The following NKAIN2 variants were observed in gnomAD, a reference collection of about 807,000 sequenced individuals.
NKAIN2 encodes sodium/potassium transporting ATPase interacting 2, also known as sodium/potassium-transporting ATPase subunit beta-1-interacting protein 2.
A neutral mutation model predicts 32.6 loss-of-function variants in NKAIN2; 14 were observed. The observed-to-expected ratio is 0.43, with a 90% CI of 0.28 to 0.67. The LOEUF is 0.67. NKAIN2 is among the 30% of genes least tolerant of loss of function. The pLI is 0.17. For synonymous variants in NKAIN2, 80 were observed against 87.2 expected (o/e 0.92, Z 0.46); for missense variants, 198 against 258.3 (o/e 0.77, Z 1.60).
At chr6:124,349,236 A>G (rs1248116768) in intron 2 of NKAIN2, among the ~76,000 whole-genome samples, 1 of 151,716 alleles carries the variant, frequency 6.6e-6, no homozygotes, top group Non-Finnish European at 1.5e-5. Flanking sequence ...TAGCTGGTTT[A>G]CCCCCTCACA....
chr6:124,057,574 G>A (rs181216805), intron 1 of NKAIN2, among the ~76,000 whole-genome samples: 5 of 151,202 alleles, frequency 3.3e-5, no homozygotes, highest in Admixed American at 2.0e-4. Context: ...GAGCTTTACT[G>A]CTGCCTTGTT....
chr6:124,681,744 A>C (rs755373046), intron 4 of NKAIN2, among the ~76,000 whole-genome samples: 11 of 152,082 alleles, frequency 7.2e-5, no homozygotes, highest in Non-Finnish European at 1.5e-4. Context: ...GAAATCTAAA[A>C]TTGGATATAA....
At chr6:124,464,434 T>TC (rs1264864922) in intron 3 of NKAIN2, among the ~76,000 whole-genome samples, 1 of 151,984 alleles carries the variant, frequency 6.6e-6, no homozygotes, top group Non-Finnish European at 1.5e-5. Context: ...TAAGCTTTTT[T>TC]TTTTTCTGCC....
intron 1 of NKAIN2, among the ~76,000 whole-genome samples, chr6:123,923,070 C>T (rs772530983): frequency 3.2e-4 from 49 of 151,888 alleles, no homozygotes; most frequent in Non-Finnish European, 4.9e-4. Flanking sequence ...TTTTCTTCTT[C>T]TGTTACTGGG....
At chr6:124,125,921 A>G (rs1410803719) in intron 1 of NKAIN2, among the ~76,000 whole-genome samples, 3 of 152,076 alleles carry the variant, frequency 2.0e-5, no homozygotes, top group Non-Finnish European at 4.4e-5. Context: ...GTTCCCTTCC[A>G]GGTCACACTC....
chr6:124,052,124 A>G (rs887393105), intron 1 of NKAIN2, among the ~76,000 whole-genome samples: 1 of 152,118 alleles, frequency 6.6e-6, no homozygotes, highest in South Asian at 2.1e-4. Context: ...GAATTTTCAC[A>G]CACGTATTAT....
intron 1 of NKAIN2, among the ~76,000 whole-genome samples, chr6:123,878,518 T>C (rs1773283805): frequency 6.6e-6 from 1 of 152,178 alleles, no homozygotes; most frequent in Admixed American, 6.5e-5. Flanking sequence ...TTTTCTTTTC[T>C]TGCTTTCCTT....
chr6:123,865,273 A>G (rs1254716029), intron 1 of NKAIN2, among the ~76,000 whole-genome samples: 1 of 152,022 alleles, frequency 6.6e-6, no homozygotes, highest in Non-Finnish European at 1.5e-5. Context: ...AAAGAGATAA[A>G]TATTATTAAT....
At chr6:124,698,195 A>G (rs2875777) in intron 4 of NKAIN2, among the ~76,000 whole-genome samples, 39,818 of 152,108 alleles carry the variant, frequency 0.26, 5,695 homozygotes, top group East Asian at 0.52. Flanking sequence ...TATCTAAGCC[A>G]GTTTGCAGTG....
chr6:124,650,625 CA>C (rs770502504), intron 3 of NKAIN2, among the ~76,000 whole-genome samples: 26 of 152,100 alleles, frequency 1.7e-4, no homozygotes, highest in Non-Finnish European at 3.2e-4. Flanking sequence ...CCTTCTGTAG[CA>C]AACCCACTCC....
intron 4 of NKAIN2, among the ~76,000 whole-genome samples, chr6:124,713,016 C>G (rs887829740): frequency 2.0e-5 from 3 of 151,822 alleles, no homozygotes; most frequent in Admixed American, 2.0e-4. Flanking sequence ...AGAAATAGTA[C>G]AGATGAAAGG....
intron 3 of NKAIN2, among the ~76,000 whole-genome samples, chr6:124,444,882 T>C (rs1775827565): frequency 1.3e-5 from 2 of 152,010 alleles, no homozygotes; most frequent in African/African-American, 4.8e-5. Flanking sequence ...TGAATGCTTT[T>C]AAATATTGCT....
rs557554200 is a variant in NKAIN2, at chr6:124,726,684, G to A, written c.475-64655G>A. Among the ~76,000 whole-genome samples the A allele has an allele frequency of 8.1e-4, 117 of 145,298 alleles. 1 individual carries two copies. Among genetic ancestry groups the A allele is most frequent in the African/African-American group, 2.8e-3 (111 of 39,180 alleles). On this transcript the variant is annotated intron_variant, in intron 4 of 6. Transcript: ENST00000368417. ...TCCAAAGGAACGCAGTTCCTCACCA[G>A]CAATGGAACAAAGCTGGATGGAGAA... is the stretch of plus-strand genomic sequence containing the variant.
At chr6:124,079,495 C>T (rs1008603964) in intron 1 of NKAIN2, among the ~76,000 whole-genome samples, 1 of 152,006 alleles carries the variant, frequency 6.6e-6, no homozygotes, top group African/African-American at 2.4e-5. Context: ...TTTGTTTCTC[C>T]TGGGTATCTG....
At chr6:124,716,367 G>GTCT (rs1775756453) in intron 4 of NKAIN2, among the ~76,000 whole-genome samples, 1 of 152,106 alleles carries the variant, frequency 6.6e-6, no homozygotes, top group Admixed American at 6.5e-5. Flanking sequence ...AATAAACAAA[G>GTCT]CAAGAGACAT....
rs370929569 is a variant in NKAIN2 at position 124,068,856 on chromosome 6, G to GA, written c.55-214147dup. On this transcript the variant is annotated intron_variant, in intron 1 of 6. Coordinates refer to ENST00000368417, the MANE Select transcript of NKAIN2 (RefSeq NM_001040214.3). Reference sequence around the variant, plus strand: ...GATAAGAAAAGAAGTCCTTTCCCAAGAAGGGGCCTTCTGAGAGATGAGGAG... The same window carrying GA: ...GATAAGAAAAGAAGTCCTTTCCCAAGAAAGGGGCCTTCTGAGAGATGAGGAG... 4.7e-3 allele frequency among the ~76,000 whole-genome samples: 712 copies of GA among 152,166 alleles called. 2 individuals are homozygous for GA. The highest frequency in any genetic ancestry group is 0.016 in the African/African-American group (659 of 41,536).
intron 3 of NKAIN2, among the ~76,000 whole-genome samples, chr6:124,479,159 T>G (rs1282638097): frequency 6.6e-6 from 1 of 152,078 alleles, no homozygotes; most frequent in Admixed American, 6.6e-5. Flanking sequence ...TAGAGGAGCC[T>G]GGGGAGATAG....
intron 3 of NKAIN2, among the ~76,000 whole-genome samples, chr6:124,610,762 T>C (rs558631699): frequency 6.6e-6 from 1 of 152,292 alleles, no homozygotes; most frequent in African/African-American, 2.4e-5. Context: ...GATCAGTAAA[T>C]TTGACCACAG....
chr6:124,599,620 G>C (rs796626317), intron 3 of NKAIN2, among the ~76,000 whole-genome samples: 9 of 152,254 alleles, frequency 5.9e-5, no homozygotes, highest in African/African-American at 2.2e-4. Context: ...TTGGGTGAAG[G>C]CTAGAAATAA....
Sources: allele counts gnomAD v4.1 joint callset (sites outside exome capture counted in the v4.1 genomes callset), GRCh38; gene constraint gnomAD v4.1.1; transcripts MANE v1.5; gene names NCBI Gene and HGNC (gene_info 2026-07-23, HGNC 2026-07-21).